The following TUFT1 variants were observed in gnomAD, a reference collection of about 807,000 sequenced individuals.
TUFT1 encodes tuftelin 1.
TUFT1 carries 43 observed loss-of-function variants against 57.8 expected under a neutral mutation model. The observed-to-expected ratio is 0.74, with a 90% CI of 0.58 to 0.96. TUFT1 has a LOEUF of 0.96. Ranked by LOEUF, TUFT1 falls within the 40% of genes least tolerant of loss-of-function variation. TUFT1 has a pLI of 0.00. For synonymous variants in TUFT1, 166 were observed against 176.7 expected, an observed-to-expected ratio of 0.94 and a Z score of 0.48; for missense variants, 459 against 489.0, an observed-to-expected ratio of 0.94 and a Z score of 0.58.
At chr1:151,561,922 C>T in intron 1 of TUFT1, 169 bp from the exon 2 acceptor site, 1 of 1,509,776 alleles carries the variant, frequency 6.6e-7, no homozygotes, top group East Asian at 2.5e-5. Context: ...AACACCTGAT[C>T]TTGGGCAAGG....
chr1:151,570,566 C>T (rs1470146769), intron 7 of TUFT1, among the ~76,000 whole-genome samples: 1 of 152,186 alleles, frequency 6.6e-6, no homozygotes, highest in Admixed American at 6.5e-5. Flanking sequence ...AGGCACGAGC[C>T]ACCATGCCCG....
At chr1:151,548,887 A>G (rs1239006239) in intron 1 of TUFT1, among the ~76,000 whole-genome samples, 5 of 152,108 alleles carry the variant, frequency 3.3e-5, no homozygotes, top group Non-Finnish European at 7.4e-5. Context: ...CCCTATTCAC[A>G]TGAGCCTGTG....
intron 1 of TUFT1, among the ~76,000 whole-genome samples, chr1:151,553,076 T>C (rs974832078): frequency 1.3e-5 from 2 of 151,960 alleles, no homozygotes; most frequent in Non-Finnish European, 2.9e-5. Flanking sequence ...TGACTTCAGA[T>C]CAAGCAAGGT....
intron 1 of TUFT1, among the ~76,000 whole-genome samples, chr1:151,547,814 C>G (rs528595054): frequency 1.3e-5 from 2 of 152,288 alleles, no homozygotes. Flanking sequence ...AGCTCACTTC[C>G]CTCTACAGAC....
intron 7 of TUFT1, among the ~76,000 whole-genome samples, chr1:151,573,136 AG>A (rs1666322242): frequency 6.6e-6 from 1 of 152,086 alleles, no homozygotes; most frequent in African/African-American, 2.4e-5. Context: ...ACTGCATATG[AG>A]GTACTGTGGG....
intron 1 of TUFT1, among the ~76,000 whole-genome samples, chr1:151,556,867 G>A (rs1665716414): frequency 6.6e-6 from 1 of 152,150 alleles, no homozygotes; most frequent in African/African-American, 2.4e-5. Context: ...TCAGTTACGT[G>A]GGAGGCTGAG....
At chr1:151,578,610 A>G (rs1247618677) in intron 9 of TUFT1, 111 bp from the exon 10 acceptor site, 29 of 864,676 alleles carry the variant, frequency 3.4e-5, no homozygotes, top group Non-Finnish European at 5.1e-5. Flanking sequence ...CCAGGGAATC[A>G]GGCAAAGGGA....
intron 7 of TUFT1, among the ~76,000 whole-genome samples, chr1:151,570,202 C>G (rs980347091): frequency 1.3e-5 from 2 of 152,184 alleles, no homozygotes; most frequent in Non-Finnish European, 2.9e-5. Context: ...GGATGAGTGA[C>G]TAAATCTGTG....
chr1:151,545,736 C>T (rs192971863), intron 1 of TUFT1: 139 of 454,652 alleles, frequency 3.1e-4, no homozygotes, highest in African/African-American at 2.7e-3. Flanking sequence ...ATCCAGGTCC[C>T]TCAACCAGTG....
At position 151,582,111 on chromosome 1, in the gene TUFT1, T is replaced by C. The variant is rs749776915; in HGVS notation, c.*404T>C. ...AAGCTGGAGACACAGATGTCCAGAG[T>C]GATTGGAGAATGTCCTGGGGGAATG... On this transcript the variant is annotated 3_prime_UTR_variant, in exon 13 of 13. Transcript: ENST00000368849. The C allele has an allele frequency of 6.3e-5, 30 of 474,504 alleles. No individual in the cohort carries two copies. The highest frequency in any genetic ancestry group is 4.6e-4 in the South Asian group (30 of 64,748). The allele number at this position is 474,504 out of a possible 1,614,324, so 29.4% of individuals were successfully genotyped here. A position where few individuals can be genotyped will look rare whatever the true frequency, so the allele number is the denominator to read the frequency against.
intron 9 of TUFT1, among the ~76,000 whole-genome samples, chr1:151,575,515 G>A (rs115907890): frequency 7.2e-5 from 11 of 152,270 alleles, no homozygotes; most frequent in Admixed American, 2.0e-4. Context: ...GCAGGGTCCC[G>A]TAGGTGATCA....
chr1:151,562,831 C>A (rs1255386167), intron 3 of TUFT1, 145 bp downstream of exon 3: 3 of 665,276 alleles, frequency 4.5e-6, no homozygotes, highest in Non-Finnish European at 7.9e-6. Context: ...TGGCAATCTC[C>A]TAGAAATATC....
At chr1:151,562,426 T>C (rs1665925286) in intron 2 of TUFT1, 159 bp from the exon 3 acceptor site, 1 of 695,786 alleles carries the variant, frequency 1.4e-6, no homozygotes, top group Non-Finnish European at 2.4e-6. Context: ...CTGTTAGAAG[T>C]TCGGAAACGA....
chr1:151,581,341 G>A (rs1666640910), intron 12 of TUFT1, among the ~76,000 whole-genome samples: 1 of 152,152 alleles, frequency 6.6e-6, no homozygotes, highest in Admixed American at 6.5e-5. Context: ...TTGCCTCTAA[G>A]AGATTCAGAA....
chr1:151,564,865 A>G (rs985464898), intron 5 of TUFT1: 2 of 310,990 alleles, frequency 6.4e-6, no homozygotes, highest in Non-Finnish European at 1.2e-5. Flanking sequence ...CAGAAATTGA[A>G]CTTATATAAA....
At chr1:151,569,873 C>A in intron 7 of TUFT1, 103 bp downstream of exon 7, 1 of 939,420 alleles carries the variant, frequency 1.1e-6, no homozygotes, top group Non-Finnish European at 1.7e-6. Context: ...TGGCTGAGTG[C>A]CACAAACTGG....
At chr1:151,572,654 G>A (rs1666294883) in intron 7 of TUFT1, among the ~76,000 whole-genome samples, 1 of 152,154 alleles carries the variant, frequency 6.6e-6, no homozygotes, top group South Asian at 2.1e-4. Context: ...GAACCTATGG[G>A]TAGGAAAGGC....
At chr1:151,565,458 G>A (rs1666038202) in intron 5 of TUFT1, among the ~76,000 whole-genome samples, 1 of 152,260 alleles carries the variant, frequency 6.6e-6, no homozygotes, top group Non-Finnish European at 1.5e-5. Flanking sequence ...TGCAAGGAAA[G>A]TTCTTTGTCT....
intron 1 of TUFT1, 75 bp from the exon 2 acceptor site, chr1:151,562,016 C>A: frequency 6.5e-7 from 1 of 1,529,892 alleles, no homozygotes; most frequent in Non-Finnish European, 9.0e-7. Context: ...GCAGAAGCAC[C>A]CCTGTACTGG....
Sources: allele counts gnomAD v4.1 joint callset (sites outside exome capture counted in the v4.1 genomes callset), GRCh38; gene constraint gnomAD v4.1.1; transcripts MANE v1.5; gene names NCBI Gene and HGNC (gene_info 2026-07-23, HGNC 2026-07-21).